CPAMD8: variants seen among roughly 807,000 people sequenced by gnomAD.
CPAMD8 encodes the protein C3 and PZP like alpha-2-macroglobulin domain containing 8.
In CPAMD8, 146 loss-of-function variants were observed where a neutral mutation model predicts 224.7. The observed-to-expected ratio is 0.65, with a 90% confidence interval of 0.57 to 0.75. The LOEUF is 0.75. CPAMD8 is among the 30% of genes least tolerant of loss of function. CPAMD8 has a pLI of 0.00. For missense variants in CPAMD8, 2,301 were observed against 2,537.5 expected (o/e 0.91, Z 2.00); for synonymous variants, 966 against 1,044.6 (o/e 0.92, Z 1.45).
Position 16,972,669 on chromosome 19 carries a change from C to T in CPAMD8, c.2071-1636G>A, listed in dbSNP as rs983386837. Among the ~76,000 whole-genome samples the T allele has an allele frequency of 5.3e-5, 8 of 152,116 alleles. No individual in the cohort carries two copies. In the East Asian group the frequency reaches 9.7e-4, roughly 18 times the overall value. ...CAAGATGGTCTCGATCTCCTGACCT[C>T]GTGATCCGCCCGTCTCAGCCTCCCA... is the stretch of plus-strand genomic sequence containing the variant. On this transcript the variant is annotated intron_variant, in intron 17 of 41. Transcript: ENST00000443236.
intron 25 of CPAMD8, 36 bp from the exon 26 acceptor site, chr19:16,925,408 G>C: frequency 6.5e-7 from 1 of 1,549,792 alleles, no homozygotes; most frequent in South Asian, 1.1e-5. Flanking sequence ...GTTGGGGGCT[G>C]TCCCAGTTCA....
chr19:16,980,577 G>A lies in CPAMD8; in HGVS notation c.1505C>T (p.Ala502Val), dbSNP rs768677019. The change falls in exon 14 of 42, where the codon GCC (alanine) becomes GTC (valine). Residue 502 changes from alanine (A) to valine (V), a missense_variant. Ala to Val is a moderately conservative substitution (Grantham distance 64, BLOSUM62 0). Around this residue, in one of 4 missense-constraint regions of CPAMD8, gnomAD observed 301 missense variants for 406.6 expected, o/e 0.74. Coordinates refer to ENST00000443236, the MANE Select transcript of CPAMD8 (RefSeq NM_015692.5). ...GNIVLSGQQP[A>V]HTTQQRSKRA... Reference sequence around the variant, plus strand: ...CTTGCTTCGCTGCTGGGTGGTGTGGGCAGGCTGCTGGCCCGATAGCACAAT... The same window carrying A: ...CTTGCTTCGCTGCTGGGTGGTGTGGACAGGCTGCTGGCCCGATAGCACAAT... 7 of 1,613,794 alleles carry A rather than the reference G, an allele frequency of 4.3e-6. No homozygotes were observed. The highest frequency in any genetic ancestry group is 5.9e-6 in the Non-Finnish European group (7 of 1,179,884).
At chr19:17,011,843 A>G in intron 3 of CPAMD8, 86 bp from the exon 4 acceptor site, 1 of 1,456,136 alleles carries the variant, frequency 6.9e-7, no homozygotes, top group Non-Finnish European at 9.2e-7. Flanking sequence ...GGCCTGGAAC[A>G]GGGGGAACTC....
At chr19:16,921,878 G>T in intron 27 of CPAMD8, 27 bp downstream of exon 27, 2 of 1,488,606 alleles carry the variant, frequency 1.3e-6, no homozygotes, top group East Asian at 4.9e-5. Flanking sequence ...AGCCTCAGAG[G>T]CAATGCCCAG....
At chr19:16,964,334 G>A (rs1232755996) in intron 18 of CPAMD8, among the ~76,000 whole-genome samples, 2 of 151,932 alleles carry the variant, frequency 1.3e-5, no homozygotes, top group South Asian at 2.1e-4. Context: ...TCAAATAGAC[G>A]CAATAAAAAA....
In CPAMD8 at chr19:16,968,812, G is replaced by A. The variant is rs539444537; in HGVS notation, c.2213+2079C>T. On this transcript the variant is annotated intron_variant, in intron 18 of 41. Coordinates refer to ENST00000443236, the MANE Select transcript of CPAMD8 (RefSeq NM_015692.5). ...GAGCCACCACACATGGTTAATTTTT[G>A]TATTTGTGTAGAGACAAGGTTTTGC... 7.4e-4 allele frequency among the ~76,000 whole-genome samples: 113 copies of A among 152,020 alleles called. 1 individual carries two copies. The highest frequency in any genetic ancestry group is 1.4e-3 in the Admixed American group (22 of 15,256).
chr19:17,012,957 C>T (rs986950772), intron 3 of CPAMD8, among the ~76,000 whole-genome samples: 3 of 150,824 alleles, frequency 2.0e-5, no homozygotes, highest in East Asian at 2.0e-4. Context: ...CTGGGGTGGG[C>T]GGATCACCTG....
chr19:16,980,243 G>A (rs1245150731), intron 14 of CPAMD8, among the ~76,000 whole-genome samples: 1 of 152,188 alleles, frequency 6.6e-6, no homozygotes, highest in Non-Finnish European at 1.5e-5. Flanking sequence ...CAAGAGCCTA[G>A]TCTGTGGCTG....
At chr19:16,983,437 C>T (rs1347389940) in intron 13 of CPAMD8, among the ~76,000 whole-genome samples, 1 of 150,606 alleles carries the variant, frequency 6.6e-6, no homozygotes, top group East Asian at 1.9e-4. Context: ...TAACAATAAA[C>T]CTATTTTTCT....
At chr19:16,917,585 A>C (rs1354221587) in intron 27 of CPAMD8, among the ~76,000 whole-genome samples, 1 of 152,114 alleles carries the variant, frequency 6.6e-6, no homozygotes, top group East Asian at 1.9e-4. Flanking sequence ...ACTGAAATTC[A>C]AAAAAATTAG....
intron 13 of CPAMD8, among the ~76,000 whole-genome samples, chr19:16,989,177 A>C (rs1176577866): frequency 6.6e-6 from 1 of 152,170 alleles, no homozygotes; most frequent in African/African-American, 2.4e-5. Context: ...AATGTCCTTG[A>C]ATCATCCTGA....
At chr19:16,985,165 T>C (rs2055669658) in intron 13 of CPAMD8, among the ~76,000 whole-genome samples, 1 of 152,136 alleles carries the variant, frequency 6.6e-6, no homozygotes, top group Admixed American at 6.6e-5. Flanking sequence ...GTAACTTGCT[T>C]TCAAATGCTG....
intron 8 of CPAMD8, among the ~76,000 whole-genome samples, chr19:17,003,725 C>T (rs994365733): frequency 6.7e-6 from 1 of 149,464 alleles, no homozygotes; most frequent in Non-Finnish European, 1.5e-5. Flanking sequence ...CTTCAGTGAG[C>T]CAAGATCGCA....
At chr19:16,913,021 A>C (rs923608188) in intron 29 of CPAMD8, among the ~76,000 whole-genome samples, 1 of 152,252 alleles carries the variant, frequency 6.6e-6, no homozygotes, top group Non-Finnish European at 1.5e-5. Context: ...CAGAATAAGA[A>C]TATTTGCAGA....
Position 16,970,878 on chromosome 19 carries a change from T to A in CPAMD8, c.2213+13A>T. ...CAGGGTTAGAAAACCTTGCTCAATG[T>A]ATAAGCCGTTACCTGGGGGGGTGCC... On this transcript the variant is annotated intron_variant, in intron 18 of 41. Coordinates refer to ENST00000443236, the MANE Select transcript of CPAMD8 (RefSeq NM_015692.5). 6.2e-7 allele frequency: 1 copy of A among 1,612,862 alleles called. No homozygotes were observed.
chr19:17,004,452 G>A, intron 7 of CPAMD8, 66 bp from the exon 8 acceptor site: 1 of 1,053,352 alleles, frequency 9.5e-7, no homozygotes, highest in Non-Finnish European at 1.5e-6. Context: ...ACGGGAAGAG[G>A]GAGCCAGGAC....
At chr19:16,896,058 G>A (rs770080467) in intron 41 of CPAMD8, 118 bp downstream of exon 41, 2 of 1,129,140 alleles carry the variant, frequency 1.8e-6, no homozygotes, top group Non-Finnish European at 1.3e-6. Context: ...CACTGCCAGT[G>A]GGGGGTCGGG....
intron 15 of CPAMD8, among the ~76,000 whole-genome samples, chr19:16,976,580 C>T (rs1316600828): frequency 6.6e-6 from 1 of 152,016 alleles, no homozygotes; most frequent in East Asian, 1.9e-4. Flanking sequence ...GAGAGTGGGT[C>T]TTTGCCAGCT....
chr19:17,005,291 G>T (rs2123077805), intron 7 of CPAMD8, among the ~76,000 whole-genome samples: 1 of 152,268 alleles, frequency 6.6e-6, no homozygotes, highest in East Asian at 1.9e-4. Context: ...CCAGATGCCA[G>T]TTGCACCCCT....
Sources: gnomAD v4.1 joint callset for allele counts (sites outside exome capture counted in the v4.1 genomes callset) on GRCh38, gnomAD v4.1.1 for gene constraint, gnomAD v4.1.1 regional missense constraint, MANE v1.5 for transcripts, NCBI Gene and HGNC (gene_info 2026-07-23, HGNC 2026-07-21) for gene names.